Variants in NTMT2 observed in about 807,000 individuals in gnomAD.
NTMT2 encodes N-terminal Xaa-Pro-Lys N-methyltransferase 2, also known as X-Pro-Lys N-terminal protein methyltransferase 1B.
A neutral mutation model predicts 23.4 loss-of-function variants in NTMT2; 21 were observed. The observed-to-expected ratio is 0.90, with a 90% CI of 0.64 to 1.29. The LOEUF is 1.29. NTMT2 is among the 50% of genes most tolerant of loss of function. The probability of loss-of-function intolerance (pLI) is 0.00; values close to 1 mark genes in which losing one functional copy is unlikely to be tolerated. For synonymous variants in NTMT2, 131 were observed against 127.7 expected (o/e 1.03, Z -0.17); for missense variants, 336 against 352.0 (o/e 0.95, Z 0.36).
intron 2 of NTMT2, among the ~76,000 whole-genome samples, chr1:170,166,137 T>TCTCC (rs1418610808): frequency 3.5e-5 from 3 of 85,638 alleles, no homozygotes; most frequent in Non-Finnish European, 7.7e-5. Context: ...TTTTTTTTTT[T>TCTCC]TTCTTTTTTT....
chr1:170,160,727 A>G, intron 2 of NTMT2, 34 bp downstream of exon 2: 2 of 1,483,214 alleles, frequency 1.3e-6, no homozygotes, highest in Non-Finnish European at 1.8e-6. Context: ...ATGAGAAGGC[A>G]AAGTCCTTGC....
intron 1 of NTMT2, among the ~76,000 whole-genome samples, chr1:170,152,469 C>T (rs1673088622): frequency 6.6e-6 from 1 of 152,122 alleles, no homozygotes; most frequent in South Asian, 2.1e-4. Context: ...GATTGTCTTT[C>T]CCCAATTTAG....
intron 1 of NTMT2, 97 bp downstream of exon 1, chr1:170,146,358 C>T: frequency 2.5e-6 from 3 of 1,193,626 alleles, no homozygotes; most frequent in South Asian, 3.0e-5. Flanking sequence ...AACAAGGACA[C>T]TTTTCAGACA....
intron 1 of NTMT2, among the ~76,000 whole-genome samples, chr1:170,154,206 T>A (rs1249722696): frequency 6.6e-6 from 1 of 152,048 alleles, no homozygotes; most frequent in Non-Finnish European, 1.5e-5. Flanking sequence ...TTTCAGAGAA[T>A]GTATGGGCAA....
chr1:170,147,904 T>C (rs1476351364), intron 1 of NTMT2, among the ~76,000 whole-genome samples: 1 of 152,198 alleles, frequency 6.6e-6, no homozygotes, highest in Non-Finnish European at 1.5e-5. Context: ...CCTTTTTTTG[T>C]TCAATAAAAT....
chr1:170,166,473 A>C (rs1345585006), intron 2 of NTMT2, 29 bp from the exon 3 acceptor site: 1 of 1,551,546 alleles, frequency 6.4e-7, no homozygotes, highest in African/African-American at 1.4e-5. Flanking sequence ...GGGTCTCTGT[A>C]CTTGAAATAT....
chr1:170,152,740 A>G (rs1426093529), intron 1 of NTMT2, among the ~76,000 whole-genome samples: 1 of 152,144 alleles, frequency 6.6e-6, no homozygotes, highest in Non-Finnish European at 1.5e-5. Flanking sequence ...GATGAAAAAT[A>G]TAATGAGGAG....
intron 2 of NTMT2, 68 bp from the exon 3 acceptor site, chr1:170,166,434 C>G (rs1433777816): frequency 1.3e-6 from 2 of 1,530,110 alleles, no homozygotes; most frequent in Non-Finnish European, 1.8e-6. Flanking sequence ...AGCCACCGCG[C>G]CCGGCCTGGG....
intron 2 of NTMT2, among the ~76,000 whole-genome samples, chr1:170,164,369 T>C (rs1484590735): frequency 6.6e-6 from 1 of 152,194 alleles, no homozygotes; most frequent in African/African-American, 2.4e-5. Flanking sequence ...AAATTTGAAA[T>C]GAGACGCTCT....
intron 1 of NTMT2, among the ~76,000 whole-genome samples, chr1:170,155,291 C>T (rs1439443843): frequency 1.3e-5 from 2 of 152,138 alleles, no homozygotes; most frequent in African/African-American, 2.4e-5. Context: ...GTAACCTATT[C>T]AAGATCATAA....
chr1:170,148,792 G>A (rs1396279959), intron 1 of NTMT2, among the ~76,000 whole-genome samples: 1 of 152,158 alleles, frequency 6.6e-6, no homozygotes, highest in Non-Finnish European at 1.5e-5. Context: ...AGGGATCCAG[G>A]ATGATAGAGG....
chr1:170,164,258 T>C (rs1673329775), intron 2 of NTMT2, among the ~76,000 whole-genome samples: 1 of 152,220 alleles, frequency 6.6e-6, no homozygotes, highest in South Asian at 2.1e-4. Flanking sequence ...ATAAAGTTCA[T>C]GGTGCTTTAT....
intron 2 of NTMT2, among the ~76,000 whole-genome samples, chr1:170,162,930 T>C (rs1673302290): frequency 6.6e-6 from 1 of 152,058 alleles, no homozygotes; most frequent in African/African-American, 2.4e-5. Flanking sequence ...TCTCCTCCAG[T>C]CTGGCTGAAA....
Position 170,168,240 on chromosome 1 carries a change from C to CAAAAAAAAA in NTMT2, c.*489_*497dup, listed in dbSNP as rs57166192. Among the ~76,000 whole-genome samples, 2 of 116,740 alleles carry CAAAAAAAAA rather than the reference C, an allele frequency of 1.7e-5. No homozygotes were observed. The highest frequency in any genetic ancestry group is 5.9e-5 in the African/African-American group (2 of 33,760). The allele number at this position is 116,740 out of a possible 152,430, so 76.6% of individuals were successfully genotyped here. On this transcript the variant is annotated 3_prime_UTR_variant, in exon 4 of 4. Coordinates refer to ENST00000439373, the MANE Select transcript of NTMT2 (RefSeq NM_001136107.2). The stretch of plus-strand genomic sequence containing the variant: ...CAGATAAAGCATTTGTCTACTCAAA[C>CAAAAAAAAA]AAAAAAAAAAAAAAGAAAAAGAAAC...
Position 170,166,411 on chromosome 1 carries a change from G to T in NTMT2, c.331-91G>T, listed in dbSNP as rs967721549. On this transcript the variant is annotated intron_variant, in intron 2 of 3. Coordinates refer to ENST00000439373, the MANE Select transcript of NTMT2 (RefSeq NM_001136107.2). ...CCGCCTCGGCCTCCCAAAGTGCTGG[G>T]ATTACAAGCGTGAGCCACCGCGCCC... 38 of 1,411,646 alleles carry T rather than the reference G, an allele frequency of 2.7e-5. No homozygotes were observed. The African/African-American group carries it at 4.6e-4, about 17-fold the overall frequency. The allele number at this position is 1,411,646 out of a possible 1,614,324, so 87.4% of individuals were successfully genotyped here. A position where few individuals can be genotyped will look rare whatever the true frequency, so the allele number is the denominator to read the frequency against.
At position 170,145,979 on chromosome 1, in the gene NTMT2, T is replaced by G; in HGVS notation, c.-129T>G. On this transcript the variant is annotated 5_prime_UTR_variant, in exon 1 of 4. Transcript: ENST00000439373. ...TCCCCACACCCATGACAGCCTGTCC[T>G]GATATAGATGGAGAGGGGACTGGTT... 4 of 868,572 alleles carry G rather than the reference T, an allele frequency of 4.6e-6. No individual in the cohort carries two copies. Among genetic ancestry groups the G allele is most frequent in the Non-Finnish European group, 6.9e-6 (4 of 582,576 alleles). The allele number at this position is 868,572 out of a possible 1,614,324, so 53.8% of individuals were successfully genotyped here.
At chr1:170,162,319 T>C (rs1228419018) in intron 2 of NTMT2, among the ~76,000 whole-genome samples, 1 of 152,190 alleles carries the variant, frequency 6.6e-6, no homozygotes, top group Non-Finnish European at 1.5e-5. Flanking sequence ...TCAACCGATT[T>C]AGTAGCAAAA....
At chr1:170,148,514 G>A (rs1673010824) in intron 1 of NTMT2, among the ~76,000 whole-genome samples, 1 of 151,882 alleles carries the variant, frequency 6.6e-6, no homozygotes, top group African/African-American at 2.4e-5. Flanking sequence ...CCATAAATGG[G>A]CATTGCTTAT....
At chr1:170,159,434 T>G (rs1322906968) in intron 1 of NTMT2, among the ~76,000 whole-genome samples, 2 of 150,386 alleles carry the variant, frequency 1.3e-5, no homozygotes, top group Non-Finnish European at 3.0e-5. Context: ...TTTTTTTTTT[T>G]TTTTTTTTTT....
Sources: gnomAD v4.1 joint callset for allele counts (sites outside exome capture counted in the v4.1 genomes callset) on GRCh38, gnomAD v4.1.1 for gene constraint, MANE v1.5 for transcripts, NCBI Gene and HGNC (gene_info 2026-07-23, HGNC 2026-07-21) for gene names.